The following MEIS1 variants were observed in gnomAD, a reference collection of about 807,000 sequenced individuals.
The protein encoded by MEIS1 is Meis homeobox 1.
A neutral mutation model predicts 50.8 loss-of-function variants in MEIS1; 5 were observed. That is an observed-to-expected ratio of 0.10 (90% confidence interval 0.05 to 0.21). The LOEUF is 0.21. MEIS1 is among the 10% of genes least tolerant of loss of function. The probability of loss-of-function intolerance (pLI) is 1.00; values close to 1 mark genes in which losing one functional copy is unlikely to be tolerated. For synonymous variants in MEIS1, 176 were observed against 179.3 expected, an observed-to-expected ratio of 0.98 and a Z score of 0.15; for missense variants, 318 against 517.3, an observed-to-expected ratio of 0.61 and a Z score of 3.74.
At chr2:66,558,279 C>CAAAAAAAAAAAAAAAAAAA (rs59017279) in intron 9 of MEIS1, among the ~76,000 whole-genome samples, 101 of 57,080 alleles carry the variant, frequency 1.8e-3, no homozygotes, top group Admixed American at 2.5e-3. Context: ...AACTCCATCT[C>CAAAAAAAAAAAAAAAAAAA]AAAAAAAAAA....
chr2:66,481,680 T>C (rs1673019006), intron 7 of MEIS1, among the ~76,000 whole-genome samples: 2 of 152,134 alleles, frequency 1.3e-5, no homozygotes, highest in Admixed American at 1.3e-4. Flanking sequence ...TTTATTTTCA[T>C]GTGCAGTTGG....
intron 6 of MEIS1, among the ~76,000 whole-genome samples, chr2:66,444,302 G>A (rs1672075111): frequency 6.6e-6 from 1 of 152,154 alleles, no homozygotes. Flanking sequence ...TGCAAGCTCT[G>A]CCATGATCTC....
chr2:66,540,389 A>C (rs1322038189), intron 8 of MEIS1, among the ~76,000 whole-genome samples: 1 of 151,900 alleles, frequency 6.6e-6, no homozygotes, highest in Non-Finnish European at 1.5e-5. Context: ...GGTCATTGCA[A>C]CCTCCACCTC....
At chr2:66,437,653 C>T in intron 1 of MEIS1, 84 bp from the exon 2 acceptor site, 5 of 1,229,046 alleles carry the variant, frequency 4.1e-6, no homozygotes, top group Non-Finnish European at 5.9e-6. Flanking sequence ...GCTGTATTGA[C>T]CTTATATAAG....
intron 7 of MEIS1, among the ~76,000 whole-genome samples, chr2:66,483,808 TGGGTTA>T (rs1673075684): frequency 6.6e-6 from 1 of 152,184 alleles, no homozygotes; most frequent in African/African-American, 2.4e-5. Flanking sequence ...ATGGTCAGAT[TGGGTTA>T]AGGTTGAGTG....
intron 1 of MEIS1, chr2:66,437,456 T>C: frequency 2.2e-6 from 1 of 448,158 alleles, no homozygotes; most frequent in Non-Finnish European, 4.0e-6. Flanking sequence ...TTCTTTCTTC[T>C]TTCCTTCTTG....
intron 7 of MEIS1, among the ~76,000 whole-genome samples, chr2:66,490,975 A>C (rs1372448677): frequency 6.6e-6 from 1 of 152,210 alleles, no homozygotes; most frequent in Admixed American, 6.5e-5. Flanking sequence ...TGAGTGCTTA[A>C]ACCTCAACTT....
chr2:66,440,083 A>C, intron 3 of MEIS1, 99 bp downstream of exon 3: 1 of 1,088,688 alleles, frequency 9.2e-7, no homozygotes, highest in Non-Finnish European at 1.3e-6. Context: ...ACACACACAC[A>C]CACACACACG....
chr2:66,509,216 A>G (rs1041337210), intron 7 of MEIS1: 17 of 359,592 alleles, frequency 4.7e-5, no homozygotes, highest in Non-Finnish European at 9.1e-5. Context: ...ACAATTTATT[A>G]AAATCTATGA....
chr2:66,538,124 C>G (rs1674564359), intron 8 of MEIS1, among the ~76,000 whole-genome samples: 1 of 151,988 alleles, frequency 6.6e-6, no homozygotes, highest in African/African-American at 2.4e-5. Context: ...CAAATAAACC[C>G]AAGAACAACA....
intron 6 of MEIS1, among the ~76,000 whole-genome samples, chr2:66,458,628 T>C (rs902987204): frequency 6.6e-6 from 1 of 152,200 alleles, no homozygotes; most frequent in African/African-American, 2.4e-5. Context: ...GATGAGGACA[T>C]TAAGGTTTCA....
At chr2:66,494,639 T>C (rs1216529995) in intron 7 of MEIS1, among the ~76,000 whole-genome samples, 1 of 152,248 alleles carries the variant, frequency 6.6e-6, no homozygotes, top group Non-Finnish European at 1.5e-5. Context: ...TACCTCTGTA[T>C]TGGAGGATCC....
chr2:66,520,106 C>T (rs1010940355), intron 8 of MEIS1, among the ~76,000 whole-genome samples: 3 of 151,992 alleles, frequency 2.0e-5, no homozygotes, highest in Non-Finnish European at 4.4e-5. Flanking sequence ...CATGAACACT[C>T]ATCCTATGAA....
At chr2:66,441,590 T>C (rs1381455281) in intron 5 of MEIS1, 126 bp downstream of exon 5, 11 of 766,712 alleles carry the variant, frequency 1.4e-5, no homozygotes, top group Admixed American at 3.8e-5. Context: ...TTCTGGTAAT[T>C]AGTGTCAAGG....
At chr2:66,520,949 ATATAAT>A (rs1415883304) in intron 8 of MEIS1, among the ~76,000 whole-genome samples, 1 of 152,240 alleles carries the variant, frequency 6.6e-6, no homozygotes, top group Non-Finnish European at 1.5e-5. Context: ...GAGTTCAAAG[ATATAAT>A]TATAATCTCA....
intron 8 of MEIS1, among the ~76,000 whole-genome samples, chr2:66,521,676 A>G (rs538905238): frequency 1.3e-5 from 2 of 152,348 alleles, no homozygotes; most frequent in South Asian, 4.1e-4. Context: ...CATTAGTCAC[A>G]TAGAAATTGT....
chr2:66,474,002 A>G (rs1293011292), intron 7 of MEIS1, among the ~76,000 whole-genome samples: 1 of 152,236 alleles, frequency 6.6e-6, no homozygotes, highest in Non-Finnish European at 1.5e-5. Flanking sequence ...TACAATGTAC[A>G]TGCTTTGCAA....
intron 9 of MEIS1, among the ~76,000 whole-genome samples, chr2:66,562,533 A>G (rs1675244419): frequency 6.6e-6 from 1 of 152,156 alleles, no homozygotes; most frequent in East Asian, 1.9e-4. Flanking sequence ...AAAAAATTCA[A>G]AATAAAATTC....
At chr2:66,560,494 G>A (rs1341405610) in intron 9 of MEIS1, among the ~76,000 whole-genome samples, 1 of 151,556 alleles carries the variant, frequency 6.6e-6, no homozygotes, top group Non-Finnish European at 1.5e-5. Context: ...GCTGAAGTGG[G>A]AGGATCACTC....
Sources: allele counts gnomAD v4.1 joint callset (sites outside exome capture counted in the v4.1 genomes callset), GRCh38; gene constraint gnomAD v4.1.1; transcripts MANE v1.5; gene names NCBI Gene and HGNC (gene_info 2026-07-23, HGNC 2026-07-21).